The following PPP1R13B variants were observed in gnomAD, a reference collection of about 807,000 sequenced individuals.
The protein encoded by PPP1R13B is apoptosis-stimulating of p53 protein 1.
A neutral mutation model predicts 119.8 loss-of-function variants in PPP1R13B; 44 were observed. The observed-to-expected ratio is 0.37, with a 90% CI of 0.29 to 0.47. The LOEUF (loss-of-function observed/expected upper bound fraction) is 0.47, where lower values mean the gene tolerates loss of function less well. Among genes scored for constraint, PPP1R13B ranks in the 20% least tolerant of loss-of-function variants. PPP1R13B has a pLI of 0.99. For missense variants in PPP1R13B, 1,227 were observed against 1,413.5 expected (o/e 0.87, Z 2.12); for synonymous variants, 542 against 561.5 (o/e 0.97, Z 0.49).
intron 8 of PPP1R13B, 90 bp downstream of exon 8, chr14:103,749,704 A>G: frequency 1.5e-6 from 2 of 1,294,914 alleles, no homozygotes; most frequent in Admixed American, 2.1e-5. Context: ...GTTATGGTGG[A>G]TGGGGGAGCA....
At chr14:103,844,619 C>T (rs568710743) in intron 1 of PPP1R13B, among the ~76,000 whole-genome samples, 1 of 152,088 alleles carries the variant, frequency 6.6e-6, no homozygotes, top group South Asian at 2.1e-4. Context: ...ATCCCAGCTA[C>T]TCAGGAGGCT....
chr14:103,788,075 GCA>G (rs1468286048), intron 2 of PPP1R13B, among the ~76,000 whole-genome samples: 6 of 151,606 alleles, frequency 4.0e-5, no homozygotes, highest in South Asian at 2.1e-4. Context: ...ACTGCACAAT[GCA>G]CTCCAGCCTG....
At chr14:103,785,422 TAGCC>T (rs1202248166) in intron 2 of PPP1R13B, among the ~76,000 whole-genome samples, 1 of 152,160 alleles carries the variant, frequency 6.6e-6, no homozygotes, top group Non-Finnish European at 1.5e-5. Flanking sequence ...TTCACCATGT[TAGCC>T]AGGCTGGTCT....
At chr14:103,829,344 C>G (rs2086618670) in intron 1 of PPP1R13B, among the ~76,000 whole-genome samples, 1 of 152,092 alleles carries the variant, frequency 6.6e-6, no homozygotes, top group Non-Finnish European at 1.5e-5. Context: ...TTGCTAAATG[C>G]CTATGTGAAA....
At position 103,787,930 on chromosome 14, in the gene PPP1R13B, G is replaced by A. The variant is rs140581398; in HGVS notation, c.158-3016C>T. Among the ~76,000 whole-genome samples, 919 of 152,076 alleles carry A rather than the reference G, an allele frequency of 6.0e-3. 11 individuals carry two copies. The highest frequency in any genetic ancestry group is 0.021 in the African/African-American group (859 of 41,510). Reference sequence around the variant, plus strand: ...CTCCCAAAGTGCTGGGATTACAGGCGTGAGCCGCCGCGCCCAGCCTCCTTT... The same window carrying A: ...CTCCCAAAGTGCTGGGATTACAGGCATGAGCCGCCGCGCCCAGCCTCCTTT... On this transcript the variant is annotated intron_variant, in intron 2 of 16. Transcript: ENST00000202556.
chr14:103,748,824 A>T (rs976989491), intron 8 of PPP1R13B, among the ~76,000 whole-genome samples: 5 of 152,194 alleles, frequency 3.3e-5, no homozygotes, highest in African/African-American at 1.2e-4. Flanking sequence ...GGGACCAGGG[A>T]ATAGCTTTCA....
Position 103,740,301 on chromosome 14 carries a change from C to G in PPP1R13B, c.2115G>C (p.Leu705=), listed in dbSNP as rs765987390. ...GCTCTGTGATGGAGCTGCGCTTTTT[C>G]AGGGGCCGGGGCGCGTTGGCCAGCT... is the stretch of plus-strand genomic sequence containing the variant. ...RRKLANAPRP[L]KKRSSITEPE... is the part of the protein sequence containing the mutation. Residue 705 remains leucine, a synonymous_variant, in exon 12 of 17, where the codon CTG becomes CTC. Coordinates refer to ENST00000202556, the MANE Select transcript of PPP1R13B (RefSeq NM_015316.3). This position sits in a 1 kb window ranked among gnomAD's most constrained non-coding sequence, Gnocchi z 4.6. 2 of 1,585,694 alleles carry G rather than the reference C, an allele frequency of 1.3e-6. No individual in the cohort carries two copies. Among genetic ancestry groups the G allele is most frequent in the Non-Finnish European group, 8.6e-7 (1 of 1,166,018 alleles).
intron 4 of PPP1R13B, among the ~76,000 whole-genome samples, chr14:103,770,508 C>T (rs1003976399): frequency 6.6e-6 from 1 of 151,028 alleles, no homozygotes; most frequent in African/African-American, 2.5e-5. Flanking sequence ...CAGCAAGACA[C>T]TGTCTTAAAA....
chr14:103,847,691 A>AGG, upstream of PPP1R13B: 2 of 903,866 alleles, frequency 2.2e-6, no homozygotes, highest in Non-Finnish European at 2.6e-6. Context: ...GGGCGGGGAG[A>AGG]GGGGCGGGGC....
At position 103,794,798 on chromosome 14, in the gene PPP1R13B, G is replaced by A. The variant is rs186207953; in HGVS notation, c.157+2573C>T. 12 of 282,314 alleles carry A rather than the reference G, an allele frequency of 4.3e-5. No individual in the cohort carries two copies. The Admixed American group carries it at 5.4e-4, about 13-fold the overall frequency. 17.5% of individuals were successfully genotyped at this position (282,314 alleles called of 1,614,324 possible). ...CTTCTTCCTAGATCCAGCTTCGTTGGCCATTTTACTTACTAATCTGTGTTT... is the reference window on the plus strand; with the variant it reads ...CTTCTTCCTAGATCCAGCTTCGTTGACCATTTTACTTACTAATCTGTGTTT... On this transcript the variant is annotated intron_variant, in intron 2 of 16. Coordinates refer to ENST00000202556, the MANE Select transcript of PPP1R13B (RefSeq NM_015316.3).
intron 5 of PPP1R13B, among the ~76,000 whole-genome samples, chr14:103,755,641 A>G (rs540612769): frequency 2.5e-4 from 38 of 152,346 alleles, no homozygotes; most frequent in Non-Finnish European, 5.0e-4. Context: ...AGGTAAAACA[A>G]TATGTGCTTA....
intron 2 of PPP1R13B, among the ~76,000 whole-genome samples, chr14:103,789,233 G>C (rs984817119): frequency 1.3e-5 from 2 of 150,362 alleles, no homozygotes; most frequent in South Asian, 2.1e-4. Flanking sequence ...TTTTTTTTTT[G>C]GGGGGGATGG....
In PPP1R13B at chr14:103,735,973, A is replaced by G. The variant is rs1366749016; in HGVS notation, c.3231+30T>C. The G allele has an allele frequency of 3.1e-6, 5 of 1,611,702 alleles. No homozygotes were observed. The African/African-American group carries it at 4.0e-5, about 13-fold the overall frequency. On this transcript the variant is annotated intron_variant, in intron 16 of 16. Coordinates refer to ENST00000202556, the MANE Select transcript of PPP1R13B (RefSeq NM_015316.3). The stretch of plus-strand genomic sequence containing the variant: ...ATGCTGTACAGAGACACGGGCAGCT[A>G]GTTTCCCAGTAAGTAACCTGAGTGC...
In PPP1R13B at chr14:103,735,021, T is replaced by C. The variant is rs745779461; in HGVS notation, c.*133A>G. The C allele has an allele frequency of 6.1e-6, 6 of 983,536 alleles. No homozygotes were observed. The highest frequency in any genetic ancestry group is 3.2e-5 in the African/African-American group (2 of 62,496). 60.9% of individuals were successfully genotyped at this position (983,536 alleles called of 1,614,324 possible). ...TCACCTGGAAACTGTAGGATTCACA[T>C]TGTGGACGCTGTCTGCTAAAGTGAG... is the stretch of plus-strand genomic sequence containing the variant. On this transcript the variant is annotated 3_prime_UTR_variant, in exon 17 of 17. Transcript: ENST00000202556.
At chr14:103,813,733 C>T (rs2086213518) in intron 1 of PPP1R13B, among the ~76,000 whole-genome samples, 1 of 152,088 alleles carries the variant, frequency 6.6e-6, no homozygotes, top group African/African-American at 2.4e-5. Context: ...TTTCTCCTGA[C>T]ATTTTGACAC....
upstream of PPP1R13B, chr14:103,847,597 C>G: frequency 2.0e-6 from 2 of 986,444 alleles, no homozygotes; most frequent in Non-Finnish European, 2.4e-6. Context: ...GCCCGGCTCG[C>G]TCTTCAGCCC....
intron 15 of PPP1R13B, chr14:103,736,849 T>A (rs1364675475): frequency 6.5e-6 from 1 of 153,694 alleles, no homozygotes; most frequent in Non-Finnish European, 1.4e-5. Flanking sequence ...GCTGTTTTCA[T>A]GGATAATTTC....
intron 4 of PPP1R13B, among the ~76,000 whole-genome samples, chr14:103,767,098 T>C (rs1180805778): frequency 6.6e-6 from 1 of 152,118 alleles, no homozygotes; most frequent in Non-Finnish European, 1.5e-5. Flanking sequence ...GAAGGATCAC[T>C]TGAGGCCAAA....
At chr14:103,750,289 C>G (rs1327070531) in intron 7 of PPP1R13B, among the ~76,000 whole-genome samples, 1 of 152,200 alleles carries the variant, frequency 6.6e-6, no homozygotes, top group African/African-American at 2.4e-5. Context: ...CATGATGCAC[C>G]TTACTGTGGA....
Sources: allele counts gnomAD v4.1 joint callset (sites outside exome capture counted in the v4.1 genomes callset), GRCh38; gene constraint gnomAD v4.1.1; non-coding constraint Gnocchi (gnomAD v3.1); transcripts MANE v1.5; gene names NCBI Gene and HGNC (gene_info 2026-07-23, HGNC 2026-07-21).